CPNE8: variants seen among roughly 807,000 people sequenced by gnomAD.
CPNE8 encodes copine-8.
In CPNE8, 45 loss-of-function variants were observed where a neutral mutation model predicts 81.5. The ratio of observed to expected loss-of-function variants is 0.55; its 90% confidence interval spans 0.44 to 0.71. The LOEUF (loss-of-function observed/expected upper bound fraction) is 0.71. CPNE8 is among the 30% of genes least tolerant of loss of function. CPNE8 has a pLI of 0.00. For synonymous variants in CPNE8, 252 were observed against 226.3 expected (o/e 1.11, Z -1.02); for missense variants, 594 against 672.1 (o/e 0.88, Z 1.28).
intron 8 of CPNE8, among the ~76,000 whole-genome samples, chr12:38,766,893 G>C (rs910960749): frequency 6.6e-6 from 1 of 152,062 alleles, no homozygotes; most frequent in Admixed American, 6.5e-5. Context: ...ACAACCCTGT[G>C]AGGTAGCTAT....
At chr12:38,835,840 C>T (rs974391862) in intron 5 of CPNE8, among the ~76,000 whole-genome samples, 3 of 151,978 alleles carry the variant, frequency 2.0e-5, no homozygotes, top group Non-Finnish European at 4.4e-5. Flanking sequence ...ATCTAGTGTA[C>T]AAAATAATCC....
rs114687093 is a variant in CPNE8, at chr12:38,703,408, C to A, written c.915-487G>T. Among the ~76,000 whole-genome samples the A allele has an allele frequency of 4.7e-3, 714 of 152,228 alleles. 5 individuals are homozygous for A. The highest frequency in any genetic ancestry group is 0.016 in the African/African-American group (663 of 41,536). ...CCAAACACACGATTTTCTCCAGCAT[C>A]CCTTCCTGATAAAACCCTCAAGAAG... On this transcript the variant is annotated intron_variant, in intron 13 of 19. Transcript: ENST00000331366.
intron 6 of CPNE8, among the ~76,000 whole-genome samples, chr12:38,798,361 C>G (rs1942558295): frequency 6.6e-6 from 1 of 152,150 alleles, no homozygotes; most frequent in Non-Finnish European, 1.5e-5. Flanking sequence ...TCCGCAGAAA[C>G]TCTACAAGCC....
intron 7 of CPNE8, among the ~76,000 whole-genome samples, chr12:38,771,331 G>T (rs59020369): frequency 6.8e-6 from 1 of 147,754 alleles, no homozygotes; most frequent in African/African-American, 2.7e-5. Flanking sequence ...CAGGTGTGGC[G>T]GTGCCTGCCT....
intron 6 of CPNE8, among the ~76,000 whole-genome samples, chr12:38,812,532 C>T (rs976847466): frequency 3.9e-5 from 6 of 152,176 alleles, no homozygotes; most frequent in Non-Finnish European, 8.8e-5. Context: ...ATCATGAGAA[C>T]AGCAGCATGA....
At chr12:38,678,654 T>C (rs1939343640) in intron 16 of CPNE8, among the ~76,000 whole-genome samples, 1 of 151,936 alleles carries the variant, frequency 6.6e-6, no homozygotes, top group Non-Finnish European at 1.5e-5. Flanking sequence ...ATTTCTTGAG[T>C]AGCAGAATTT....
At chr12:38,860,496 T>C (rs1386745962) in intron 3 of CPNE8, among the ~76,000 whole-genome samples, 2 of 151,204 alleles carry the variant, frequency 1.3e-5, no homozygotes, top group African/African-American at 4.9e-5. Context: ...TGGAGAACAG[T>C]ATGAAATTTC....
intron 6 of CPNE8, among the ~76,000 whole-genome samples, chr12:38,813,466 C>T (rs7971101): frequency 0.054 from 8,231 of 152,082 alleles, 298 homozygotes; most frequent in Middle Eastern, 0.085. Flanking sequence ...TAAAATAGAG[C>T]GGGAGGAGTT....
intron 6 of CPNE8, among the ~76,000 whole-genome samples, chr12:38,789,282 C>T (rs1287726311): frequency 5.3e-5 from 8 of 151,764 alleles, no homozygotes; most frequent in African/African-American, 1.4e-4. Flanking sequence ...AAATAGAGAA[C>T]CCAGAAACCA....
At chr12:38,799,857 G>A (rs1180237733) in intron 6 of CPNE8, among the ~76,000 whole-genome samples, 1 of 151,274 alleles carries the variant, frequency 6.6e-6, no homozygotes, top group African/African-American at 2.4e-5. Context: ...AGCGCAAGGG[G>A]TCAGGGAGTT....
At chr12:38,773,007 C>T (rs1941839653) in intron 7 of CPNE8, among the ~76,000 whole-genome samples, 3 of 151,704 alleles carry the variant, frequency 2.0e-5, no homozygotes, top group Admixed American at 2.0e-4. Context: ...CATCCATTTG[C>T]AACAAGATAG....
At chr12:38,828,380 G>A (rs1943233719) in intron 6 of CPNE8, among the ~76,000 whole-genome samples, 1 of 152,094 alleles carries the variant, frequency 6.6e-6, no homozygotes, top group Admixed American at 6.5e-5. Context: ...ATATATGAAA[G>A]TTTTCAAACT....
chr12:38,795,674 A>G (rs1381430384), intron 6 of CPNE8, among the ~76,000 whole-genome samples: 3 of 152,190 alleles, frequency 2.0e-5, no homozygotes, highest in Admixed American at 1.3e-4. Flanking sequence ...AATCAAATTT[A>G]TAGAAAGAGA....
At chr12:38,769,725 C>T (rs1291957699) in intron 7 of CPNE8, among the ~76,000 whole-genome samples, 1 of 151,876 alleles carries the variant, frequency 6.6e-6, no homozygotes, top group Admixed American at 6.6e-5. Context: ...GTGTTTATTT[C>T]AAATAGATTG....
intron 6 of CPNE8, among the ~76,000 whole-genome samples, chr12:38,790,323 T>C (rs1942292564): frequency 6.6e-6 from 1 of 151,768 alleles, no homozygotes; most frequent in Admixed American, 6.6e-5. Context: ...TTATAGTAAG[T>C]AAAGTAAGCC....
At chr12:38,793,006 C>T (rs1254824858) in intron 6 of CPNE8, among the ~76,000 whole-genome samples, 1 of 151,766 alleles carries the variant, frequency 6.6e-6, no homozygotes, top group African/African-American at 2.4e-5. Flanking sequence ...TTAACTGATG[C>T]AGAAAAAGCA....
At chr12:38,670,535 A>G (rs997810747) in intron 19 of CPNE8, among the ~76,000 whole-genome samples, 194 bp downstream of exon 19, 16 of 152,062 alleles carry the variant, frequency 1.1e-4, no homozygotes, top group Admixed American at 5.9e-4. Context: ...AATACATACA[A>G]AGTTTTTGGT....
chr12:38,836,481 G>C (rs183315053), intron 5 of CPNE8, among the ~76,000 whole-genome samples: 1 of 151,888 alleles, frequency 6.6e-6, no homozygotes, highest in African/African-American at 2.4e-5. Context: ...CTTAAGTACC[G>C]AACACCAAAT....
chr12:38,747,478 T>TA (rs1383411443), intron 10 of CPNE8, among the ~76,000 whole-genome samples: 1 of 152,146 alleles, frequency 6.6e-6, no homozygotes, highest in East Asian at 1.9e-4. Context: ...AAGCTCCTGG[T>TA]AAAAAATGTT....
Sources: allele counts gnomAD v4.1 joint callset (sites outside exome capture counted in the v4.1 genomes callset), GRCh38; gene constraint gnomAD v4.1.1; transcripts MANE v1.5; gene names NCBI Gene and HGNC (gene_info 2026-07-23, HGNC 2026-07-21).